MRC1: variants seen among roughly 807,000 people sequenced by gnomAD.
The protein encoded by MRC1 is macrophage mannose receptor 1.
A neutral mutation model predicts 102.9 loss-of-function variants in MRC1; 62 were observed. That is an observed-to-expected ratio of 0.60 (90% confidence interval 0.49 to 0.74). MRC1 has a LOEUF of 0.74. Ranked by LOEUF, MRC1 falls within the 30% of genes least tolerant of loss-of-function variation. The pLI is 0.00. For synonymous variants in MRC1, 457 were observed against 298.4 expected, an observed-to-expected ratio of 1.53 and a Z score of -5.48; for missense variants, 1,237 against 862.8, an observed-to-expected ratio of 1.43 and a Z score of -5.43.
chr10:17,823,538 A>G (rs990759051), intron 2 of MRC1, 63 bp downstream of exon 2: 2 of 776,672 alleles, frequency 2.6e-6, no homozygotes, highest in South Asian at 2.7e-5. Flanking sequence ...TTGGAACCTG[A>G]TTCAAGAAAA....
At chr10:17,817,876 G>T (rs958702564) in intron 1 of MRC1, among the ~76,000 whole-genome samples, 5 of 152,178 alleles carry the variant, frequency 3.3e-5, no homozygotes, top group African/African-American at 1.2e-4. Flanking sequence ...GCCTTCAGAG[G>T]AAGAAGTATG....
chr10:17,885,772 GGT>G (rs1224059040), intron 22 of MRC1, among the ~76,000 whole-genome samples: 1 of 151,192 alleles, frequency 6.6e-6, no homozygotes, highest in Non-Finnish European at 1.5e-5. Flanking sequence ...TAGTATTTGG[GGT>G]GTAGGCCTGG....
At position 17,864,951 on chromosome 10, in the gene MRC1, G is replaced by A. The variant is rs1031480484; in HGVS notation, c.1783+1269G>A. ...CCCCAAATCTGTGCTACTTACACTC[G>A]CACCACCCTGCCTGCCTCTCTATAT... On this transcript the variant is annotated intron_variant, in intron 11 of 29. Transcript: ENST00000569591. Among the ~76,000 whole-genome samples the A allele has an allele frequency of 4.6e-5, 7 of 151,024 alleles. No individual in the cohort carries two copies. The South Asian group carries it at 8.4e-4, about 18-fold the overall frequency.
In MRC1 at chr10:17,822,426, C is replaced by T. The variant is rs3903917; in HGVS notation, c.62-648C>T. Among the ~76,000 whole-genome samples the T allele has an allele frequency of 5.7e-3, 861 of 152,174 alleles. 11 individuals are homozygous for T. The highest frequency in any genetic ancestry group is 0.02 in the African/African-American group (814 of 41,514). On this transcript the variant is annotated intron_variant, in intron 1 of 29. Transcript: ENST00000569591. ...ATTGCTTGAAGCCAGGAGTTCAAGACCAGCTTGGGCAACACAGTGACTCTA... is the reference window on the plus strand; with the variant it reads ...ATTGCTTGAAGCCAGGAGTTCAAGATCAGCTTGGGCAACACAGTGACTCTA...
chr10:17,877,575 C>G (rs1204934206), intron 17 of MRC1, among the ~76,000 whole-genome samples: 2 of 151,670 alleles, frequency 1.3e-5, no homozygotes, highest in Non-Finnish European at 2.9e-5. Flanking sequence ...ATTTGTAAAG[C>G]AAATACCTTA....
chr10:17,910,355 G>C lies in MRC1; in HGVS notation c.4261G>C (p.Glu1421Gln), dbSNP rs1833952742. The C allele has an allele frequency of 1.3e-6, 1 of 780,632 alleles. No individual in the cohort carries two copies. The highest frequency in any genetic ancestry group is 1.7e-5 in the African/African-American group (1 of 59,102). The allele number at this position is 780,632 out of a possible 1,614,324, so 48.4% of individuals were successfully genotyped here. ...GAAAAGACGTGTGCACCTACCTCAA[G>C]AGGGCGCCTTTGAAAACACTCTGTA... is the stretch of plus-strand genomic sequence containing the variant. ...YKKRRVHLPQEGAFENTLYFN... is the reference protein window; with the variant it reads ...YKKRRVHLPQQGAFENTLYFN... The change falls in exon 30 of 30, where the codon GAG becomes CAG. Residue 1421 changes from glutamate (E) to glutamine (Q), a missense_variant. Physicochemically the swap from Glu to Gln is conservative, Grantham distance 29. Coordinates refer to ENST00000569591, the MANE Select transcript of MRC1 (RefSeq NM_002438.4).
intron 4 of MRC1, among the ~76,000 whole-genome samples, chr10:17,835,071 T>C (rs935805119): frequency 2.6e-5 from 4 of 152,236 alleles, no homozygotes; most frequent in Non-Finnish European, 5.9e-5. Flanking sequence ...ATTCCCGGTC[T>C]TGCATTTTGC....
Position 17,902,032 on chromosome 10 carries a change from G to C in MRC1, c.3709G>C (p.Ala1237Pro), listed in dbSNP as rs923717018. 5.3e-5 allele frequency: 41 copies of C among 780,762 alleles called. No homozygotes were observed. The African/African-American group carries it at 6.4e-4, about 12-fold the overall frequency. 48.4% of individuals were successfully genotyped at this position (780,762 alleles called of 1,614,324 possible). The change falls in exon 26 of 30, where the codon GCA becomes CCA. Residue 1237 changes from alanine to proline, a missense_variant. Ala to Pro is a conservative substitution (Grantham distance 27). Coordinates refer to ENST00000569591, the MANE Select transcript of MRC1 (RefSeq NM_002438.4). Reference sequence around the variant, plus strand: ...CAGATGCCCGGAGTCAGATCACACAGCATGGATTCCTTTCCATGGTCACTG... The same window carrying C: ...CAGATGCCCGGAGTCAGATCACACACCATGGATTCCTTTCCATGGTCACTG... ...PGRCPESDHT[A>P]WIPFHGHCYY...
At chr10:17,817,690 C>T (rs1406039191) in intron 1 of MRC1, among the ~76,000 whole-genome samples, 1 of 152,104 alleles carries the variant, frequency 6.6e-6, no homozygotes, top group African/African-American at 2.4e-5. Flanking sequence ...TTAGATCCTA[C>T]AAAAGAGATT....
intron 15 of MRC1, among the ~76,000 whole-genome samples, chr10:17,872,703 C>G (rs1833371347): frequency 6.6e-6 from 1 of 152,172 alleles, no homozygotes; most frequent in Non-Finnish European, 1.5e-5. Context: ...GATGGTCAAA[C>G]AATACGCATG....
chr10:17,884,680 T>C (rs1833565552), intron 21 of MRC1, among the ~76,000 whole-genome samples: 1 of 152,202 alleles, frequency 6.6e-6, no homozygotes, highest in South Asian at 2.1e-4. Flanking sequence ...GAGAACAGAA[T>C]GGGAGAAACC....
chr10:17,906,654 C>G (rs1041175292), intron 26 of MRC1, among the ~76,000 whole-genome samples: 4 of 152,126 alleles, frequency 2.6e-5, no homozygotes, highest in Non-Finnish European at 5.9e-5. Context: ...TTTGACTATC[C>G]TGCAGGAACT....
In MRC1 at chr10:17,856,127, G is replaced by A. The variant is rs932761753; in HGVS notation, c.1408-115G>A. On this transcript the variant is annotated intron_variant, in intron 8 of 29. Transcript: ENST00000569591. ...AGAGGTTGCCATGAGCCAAGATCGC[G>A]CCACTGCACTCCAGCCTGGGGGACA... 5.8e-5 allele frequency: 41 copies of A among 702,602 alleles called. 1 individual carries two copies. The highest frequency in any genetic ancestry group is 8.2e-5 in the Non-Finnish European group (33 of 402,588). 43.5% of individuals were successfully genotyped at this position (702,602 alleles called of 1,614,324 possible).
intron 22 of MRC1, among the ~76,000 whole-genome samples, chr10:17,886,801 C>G (rs1295561418): frequency 6.6e-6 from 1 of 152,104 alleles, no homozygotes; most frequent in African/African-American, 2.4e-5. Context: ...AGCCTTCAAG[C>G]AAGAGATACA....
rs964974962 is a variant in MRC1, at chr10:17,854,275, C to T, written c.1407+1151C>T. Among the ~76,000 whole-genome samples the T allele has an allele frequency of 8.4e-3, 1,286 of 152,280 alleles. 7 individuals carry two copies. Among genetic ancestry groups the T allele is most frequent in the African/African-American group, 0.011 (437 of 41,544 alleles). On this transcript the variant is annotated intron_variant, in intron 8 of 29. Transcript: ENST00000569591. ...CCCAGGATATGAGTATTAAATAATG[C>T]ATGTGTGGTACACAGTTCCCAGCCC...
intron 6 of MRC1, 26 bp from the exon 7 acceptor site, chr10:17,849,553 T>C: frequency 1.5e-6 from 1 of 676,314 alleles, no homozygotes; most frequent in East Asian, 2.8e-5. Context: ...TTAAAATTTT[T>C]TTCCGACCCC....
chr10:17,885,169 C>T (rs1393021910), intron 21 of MRC1, 100 bp from the exon 22 acceptor site: 3 of 761,570 alleles, frequency 3.9e-6, no homozygotes, highest in Non-Finnish European at 7.3e-6. Flanking sequence ...TGACACAAGT[C>T]ACATGCTAAA....
intron 22 of MRC1, among the ~76,000 whole-genome samples, chr10:17,892,387 G>T (rs1193259273): frequency 2.0e-5 from 3 of 152,160 alleles, no homozygotes; most frequent in Admixed American, 1.3e-4. Flanking sequence ...CTCAATACTT[G>T]TTCCCTTTTT....
intron 6 of MRC1, among the ~76,000 whole-genome samples, chr10:17,846,100 G>A (rs949882910): frequency 2.8e-4 from 42 of 152,102 alleles, no homozygotes; most frequent in Non-Finnish European, 5.3e-4. Context: ...CAGAGATGGT[G>A]TTTCGCTGTG....
Sources: allele counts gnomAD v4.1 joint callset (sites outside exome capture counted in the v4.1 genomes callset), GRCh38; gene constraint gnomAD v4.1.1; transcripts MANE v1.5; gene names NCBI Gene and HGNC (gene_info 2026-07-23, HGNC 2026-07-21).